CCDC88C: variants seen among roughly 807,000 people sequenced by gnomAD.
CCDC88C encodes the protein protein Daple.
CCDC88C carries 131 observed loss-of-function variants against 198.8 expected under a neutral mutation model. That is an observed-to-expected ratio of 0.66 (90% confidence interval 0.57 to 0.76). The LOEUF is 0.76. Ranked by LOEUF, CCDC88C falls within the 30% of genes least tolerant of loss-of-function variation. The pLI is 0.00. For synonymous variants in CCDC88C, 1,166 were observed against 1,114.7 expected (o/e 1.05, Z -0.92); for missense variants, 2,553 against 2,631.6 (o/e 0.97, Z 0.65).
intron 21 of CCDC88C, among the ~76,000 whole-genome samples, chr14:91,299,419 CAAG>C (rs1479173845): frequency 3.9e-5 from 6 of 152,186 alleles, no homozygotes; most frequent in African/African-American, 1.2e-4. Flanking sequence ...GGAGCTGAAA[CAAG>C]AAGGCAGCGT....
chr14:91,347,814 C>T (rs1421168146), intron 4 of CCDC88C, among the ~76,000 whole-genome samples: 1 of 152,152 alleles, frequency 6.6e-6, no homozygotes, highest in Admixed American at 6.6e-5. Context: ...TACCATTTGA[C>T]CCAGCCATCC....
At chr14:91,285,690 A>G (rs1890373801) in intron 25 of CCDC88C, 1 of 1,288,824 alleles carries the variant, frequency 7.8e-7, no homozygotes, top group Non-Finnish European at 1.0e-6. Flanking sequence ...CCAATGTCGG[A>G]GAAAGAGAGA....
At chr14:91,349,240 C>T (rs144872237) in intron 4 of CCDC88C, among the ~76,000 whole-genome samples, 42 of 152,232 alleles carry the variant, frequency 2.8e-4, no homozygotes, top group African/African-American at 9.4e-4. Flanking sequence ...TATGGGAACC[C>T]GGGAAAGGAA....
intron 3 of CCDC88C, among the ~76,000 whole-genome samples, chr14:91,369,947 C>T (rs989941690): frequency 1.3e-5 from 2 of 152,266 alleles, no homozygotes; most frequent in African/African-American, 4.8e-5. Flanking sequence ...AGAAAACCCC[C>T]TCCCACGGAA....
In CCDC88C at chr14:91,324,964, C is replaced by T. The variant is rs556607124; in HGVS notation, c.1198-41G>A. The T allele has an allele frequency of 1.4e-5, 23 of 1,610,920 alleles. No individual in the cohort carries two copies. In the East Asian group the frequency reaches 4.9e-4, roughly 34 times the overall value. On this transcript the variant is annotated intron_variant, in intron 11 of 29. Coordinates refer to ENST00000389857, the MANE Select transcript of CCDC88C (RefSeq NM_001080414.4). ...AGAGGCAAGAAGTGAGGCTGCACAG[C>T]TGGAGATCCCCCTGGACAAGCCTCA...
chr14:91,398,934 T>G (rs1185540753), intron 3 of CCDC88C, among the ~76,000 whole-genome samples: 1 of 152,124 alleles, frequency 6.6e-6, no homozygotes, highest in African/African-American at 2.4e-5. Context: ...TTGCTCCAGG[T>G]GGGCACTGAG....
At chr14:91,336,107 A>G (rs1258050591) in intron 10 of CCDC88C, among the ~76,000 whole-genome samples, 1 of 152,224 alleles carries the variant, frequency 6.6e-6, no homozygotes, top group Non-Finnish European at 1.5e-5. Context: ...ATCTCATGGT[A>G]ATTTTCCACT....
chr14:91,331,505 GGA>G (rs1199240893), intron 10 of CCDC88C, among the ~76,000 whole-genome samples: 1 of 152,190 alleles, frequency 6.6e-6, no homozygotes, highest in East Asian at 1.9e-4. Flanking sequence ...ATGGTGGGGT[GGA>G]GAGTGTGCAT....
chr14:91,287,770 C>T (rs141867491), intron 25 of CCDC88C, among the ~76,000 whole-genome samples: 7 of 151,798 alleles, frequency 4.6e-5, no homozygotes, highest in Admixed American at 6.6e-5. Flanking sequence ...TTATATCCTC[C>T]GCCTCCAAGA....
Position 91,417,699 on chromosome 14 carries a change from T to TGCGCCCGCCGGCTCC in CCDC88C, c.-24_-10dup, listed in dbSNP as rs910165203. On this transcript the variant is annotated 5_prime_UTR_variant, in exon 1 of 30. Transcript: ENST00000389857. ...GAGACTGTCACGTCCATGCTGAGGC[T>TGCGCCCGCCGGCTCC]GCGCCCGCCGGCTCCGCGCCCCCCG... is the stretch of plus-strand genomic sequence containing the variant. 1.7e-5 allele frequency: 25 copies of TGCGCCCGCCGGCTCC among 1,505,160 alleles called. No homozygotes were observed. Among genetic ancestry groups the TGCGCCCGCCGGCTCC allele is most frequent in the Admixed American group, 4.2e-5 (2 of 48,044 alleles). 93.2% of individuals were successfully genotyped at this position (1,505,160 alleles called of 1,614,324 possible).
chr14:91,372,966 C>T (rs1044731163), intron 3 of CCDC88C, among the ~76,000 whole-genome samples: 7 of 152,146 alleles, frequency 4.6e-5, no homozygotes, highest in South Asian at 2.1e-4. Context: ...CAACATGCTC[C>T]GGGGCGACAC....
At position 91,293,352 on chromosome 14, in the gene CCDC88C, TCGCCTGC is replaced by T. The variant is rs1387187686; in HGVS notation, c.4112+814_4112+820del. On this transcript the variant is annotated intron_variant, in intron 23 of 29. Transcript: ENST00000389857. ...TGCCAAAGCTCACCTTCCTGTCCCCTCGCCTGCCACGGCCCACCTTCCTGCCCCCTCG... is the reference window on the plus strand; with the variant it reads ...TGCCAAAGCTCACCTTCCTGTCCCCTCACGGCCCACCTTCCTGCCCCCTCG... Among the ~76,000 whole-genome samples the T allele has an allele frequency of 4.4e-4, 37 of 84,380 alleles. 1 individual carries two copies. The highest frequency in any genetic ancestry group is 0.014 in the Middle Eastern group (1 of 74). 55.4% of individuals were successfully genotyped at this position (84,380 alleles called of 152,430 possible). A position where few individuals can be genotyped will look rare whatever the true frequency, so the allele number is the denominator to read the frequency against.
At chr14:91,377,293 G>A (rs985911108) in intron 3 of CCDC88C, among the ~76,000 whole-genome samples, 1 of 152,162 alleles carries the variant, frequency 6.6e-6, no homozygotes, top group Non-Finnish European at 1.5e-5. Flanking sequence ...CTTCCACCGC[G>A]GAGCTCCCAG....
intron 13 of CCDC88C, among the ~76,000 whole-genome samples, chr14:91,318,466 T>G (rs1318852381): frequency 6.6e-6 from 1 of 152,116 alleles, no homozygotes; most frequent in Non-Finnish European, 1.5e-5. Context: ...AGATGTGGCA[T>G]GAGACGGGGG....
At position 91,273,435 on chromosome 14, in the gene CCDC88C, CTCAG is replaced by C. The variant is rs1378659602; in HGVS notation, c.5273_5276del (p.Thr1758ArgfsTer43). On this transcript the variant is annotated frameshift_variant, in exon 30 of 30. Coordinates refer to ENST00000389857, the MANE Select transcript of CCDC88C (RefSeq NM_001080414.4). LOFTEE classifies it low-confidence loss of function (END_TRUNC). This position sits in a 1 kb window ranked among gnomAD's most constrained non-coding sequence, Gnocchi z 5.6. Reference sequence around the variant, plus strand: ...GGGCCACGCTGGGTGGGGCCTCGGCCTCAGTCAGTCTGAAGTTTGGCTTTACGTA... The same window carrying C: ...GGGCCACGCTGGGTGGGGCCTCGGCCTCAGTCTGAAGTTTGGCTTTACGTA... The C allele has an allele frequency of 3.2e-6, 5 of 1,583,360 alleles. No homozygotes were observed. In the Admixed American group the frequency reaches 5.3e-5, roughly 17 times the overall value.
At chr14:91,345,166 TTATA>T (rs758438547) in intron 4 of CCDC88C, among the ~76,000 whole-genome samples, 1,613 of 100,444 alleles carry the variant, frequency 0.016, 58 homozygotes, top group Middle Eastern at 0.024. Context: ...GAGGTTCAAT[TTATA>T]TATATATATA....
At chr14:91,277,621 G>A (rs556729280) in intron 29 of CCDC88C, among the ~76,000 whole-genome samples, 13 of 152,294 alleles carry the variant, frequency 8.5e-5, no homozygotes, top group South Asian at 6.2e-4. Flanking sequence ...GAGCTCTGCC[G>A]TGAAACCCAG....
rs1893739858 is a variant in CCDC88C, at chr14:91,350,557, C to G, written c.341-6900G>C. On this transcript the variant is annotated intron_variant, in intron 4 of 29. Coordinates refer to ENST00000389857, the MANE Select transcript of CCDC88C (RefSeq NM_001080414.4). ...AGCTGGGGATTTAAGCAATGGCAGG[C>G]AAGCATCCCTTTCCCTTCCTGCCCC... Among the ~76,000 whole-genome samples the G allele has an allele frequency of 3.3e-5, 5 of 152,282 alleles. No homozygotes were observed. The South Asian group carries it at 1.0e-3, about 32-fold the overall frequency.
At chr14:91,334,972 G>A (rs1050093865) in intron 10 of CCDC88C, among the ~76,000 whole-genome samples, 7 of 152,140 alleles carry the variant, frequency 4.6e-5, no homozygotes, top group Admixed American at 1.3e-4. Flanking sequence ...TCCCATACTC[G>A]GCTTCTGCAG....
Sources: gnomAD v4.1 joint callset for allele counts (sites outside exome capture counted in the v4.1 genomes callset) on GRCh38, gnomAD v4.1.1 for gene constraint, Gnocchi (gnomAD v3.1) non-coding constraint, MANE v1.5 for transcripts, NCBI Gene and HGNC (gene_info 2026-07-23, HGNC 2026-07-21) for gene names.